Variants in SLC12A8 observed in about 807,000 individuals in gnomAD.
SLC12A8 encodes the protein solute carrier family 12 member 8.
Under a neutral mutation model 75.6 loss-of-function variants are expected in SLC12A8, and 69 were observed. The ratio of observed to expected loss-of-function variants is 0.91; its 90% CI spans 0.75 to 1.11. The LOEUF (loss-of-function observed/expected upper bound fraction) is 1.11, where lower values mean the gene tolerates loss of function less well. Ranked by LOEUF, SLC12A8 falls within the 50% of genes most tolerant of loss-of-function variation. The pLI, the probability that SLC12A8 is intolerant of heterozygous loss-of-function variation, is 0.00. For missense variants in SLC12A8, 877 were observed against 896.7 expected (o/e 0.98, Z 0.28); for synonymous variants, 365 against 372.8 (o/e 0.98, Z 0.24).
chr3:125,088,954 AG>A (rs1224914374), intron 12 of SLC12A8, among the ~76,000 whole-genome samples: 1 of 152,236 alleles, frequency 6.6e-6, no homozygotes, highest in African/African-American at 2.4e-5. Context: ...AGATTTGAAT[AG>A]GGTTTATCAA....
chr3:125,088,140 T>G, intron 13 of SLC12A8, 170 bp downstream of exon 13: 1 of 593,230 alleles, frequency 1.7e-6, no homozygotes, highest in Admixed American at 3.0e-5. Context: ...GGGGGCCGAG[T>G]GTGGTGGAGT....
At chr3:125,103,978 C>T (rs968618256) in intron 10 of SLC12A8, among the ~76,000 whole-genome samples, 3 of 125,018 alleles carry the variant, frequency 2.4e-5, no homozygotes, top group Non-Finnish European at 3.3e-5. Flanking sequence ...GATCAATGGA[C>T]ATTTTAGTAA....
chr3:125,193,821 G>A (rs1196100654), intron 2 of SLC12A8, among the ~76,000 whole-genome samples: 3 of 152,264 alleles, frequency 2.0e-5, no homozygotes, highest in African/African-American at 2.4e-5. Flanking sequence ...CAGGGGAGGA[G>A]GGGGTGGAAG....
chr3:125,123,763 T>C (rs750662160), intron 6 of SLC12A8, among the ~76,000 whole-genome samples: 2 of 152,166 alleles, frequency 1.3e-5, no homozygotes, highest in African/African-American at 2.4e-5. Context: ...TAGGAATTGT[T>C]ACAATTCAAG....
At chr3:125,211,049 T>C (rs779094056) in intron 2 of SLC12A8, among the ~76,000 whole-genome samples, 4 of 152,192 alleles carry the variant, frequency 2.6e-5, no homozygotes, top group African/African-American at 4.8e-5. Context: ...AGGATGGAGT[T>C]TGGAGTTGTG....
chr3:125,107,615 G>A lies in SLC12A8; in HGVS notation c.1571C>T (p.Pro524Leu), dbSNP rs893395848. ...SFPVEISDRLPAASWEGQESC... is the reference protein window; with the variant it reads ...SFPVEISDRLLAASWEGQESC... ...CTCCTGCCCCTCCCAGGAGGCAGCG[G>A]GCAACCTGTCAGAGATCTCGACAGG... is the stretch of plus-strand genomic sequence containing the variant. The change falls in exon 10 of 14, where the codon CCC (proline) becomes CTC (leucine). Residue 524 changes from proline to leucine, a missense_variant. Transcript: ENST00000469902. 3.1e-6 allele frequency: 5 copies of A among 1,614,190 alleles called. No homozygotes were observed. In the Middle Eastern group the frequency reaches 4.9e-4, roughly 160 times the overall value.
rs575290651 is a variant in SLC12A8 at position 125,146,084 on chromosome 3, C to G, written c.623-10302G>C. On this transcript the variant is annotated intron_variant, in intron 5 of 13. Transcript: ENST00000469902. ...AGCAGAAGCAATTCTCCCACCTCAG[C>G]CTCCCAAAGTGCTGAGATTATAGGC... Among the ~76,000 whole-genome samples the G allele has an allele frequency of 1.4e-4, 21 of 152,362 alleles. No individual in the cohort carries two copies. The South Asian group carries it at 3.5e-3, about 26-fold the overall frequency.
chr3:125,202,805 A>G (rs1935150988), intron 2 of SLC12A8, among the ~76,000 whole-genome samples: 1 of 152,018 alleles, frequency 6.6e-6, no homozygotes, highest in African/African-American at 2.4e-5. Context: ...TATTAATGAG[A>G]AGCCGGGCAC....
chr3:125,091,372 T>A, intron 12 of SLC12A8, 67 bp downstream of exon 12: 1 of 1,034,890 alleles, frequency 9.7e-7, no homozygotes, highest in East Asian at 2.4e-5. Context: ...ATATTCAAAA[T>A]CTTTTTTTTC....
rs78311907 is a variant in SLC12A8 at position 125,098,203 on chromosome 3, G to C, written c.1706-6005C>G. Among the ~76,000 whole-genome samples the C allele has an allele frequency of 9.2e-3, 1,402 of 152,246 alleles. 14 individuals carry two copies. Among genetic ancestry groups the C allele is most frequent in the South Asian group, 0.016 (75 of 4,822 alleles). On this transcript the variant is annotated intron_variant, in intron 10 of 13. Transcript: ENST00000469902. The stretch of plus-strand genomic sequence containing the variant: ...TAGTTCTAATTAGCATGTATAAACT[G>C]ATAACGTATATTGCCTTAGTCCACA...
At chr3:125,084,198 A>T in intron 13 of SLC12A8, 146 bp from the exon 14 acceptor site, 1 of 631,864 alleles carries the variant, frequency 1.6e-6, no homozygotes, top group Non-Finnish European at 2.7e-6. Context: ...GTATATGTAC[A>T]GGTATATATG....
intron 5 of SLC12A8, among the ~76,000 whole-genome samples, chr3:125,151,703 G>A (rs115986557): frequency 9.1e-4 from 139 of 152,328 alleles, no homozygotes; most frequent in African/African-American, 2.9e-3. Context: ...ACTGTCTTAC[G>A]TTTATTTAGA....
intron 10 of SLC12A8, among the ~76,000 whole-genome samples, chr3:125,104,924 A>G (rs1407568411): frequency 6.6e-6 from 1 of 152,214 alleles, no homozygotes; most frequent in African/African-American, 2.4e-5. Context: ...ATAAAGGAGC[A>G]TGGGTCACTC....
intron 13 of SLC12A8, among the ~76,000 whole-genome samples, chr3:125,084,910 G>T (rs1938421299): frequency 6.6e-6 from 1 of 152,194 alleles, no homozygotes; most frequent in African/African-American, 2.4e-5. Context: ...TACTCTAAAA[G>T]AATCATCTAC....
chr3:125,193,442 T>A, intron 2 of SLC12A8, among the ~76,000 whole-genome samples: 1 of 152,190 alleles, frequency 6.6e-6, no homozygotes, highest in East Asian at 1.9e-4. Context: ...GCCACATTTG[T>A]GATGCCATTC....
intron 2 of SLC12A8, among the ~76,000 whole-genome samples, chr3:125,203,418 A>C (rs779224812): frequency 1.3e-5 from 2 of 152,170 alleles, no homozygotes; most frequent in Non-Finnish European, 2.9e-5. Flanking sequence ...AGAATAGAGA[A>C]TCTGGAAATA....
At chr3:125,142,820 C>T (rs148401654) in intron 5 of SLC12A8, among the ~76,000 whole-genome samples, 1 of 152,206 alleles carries the variant, frequency 6.6e-6, no homozygotes, top group African/African-American at 2.4e-5. Context: ...CAGAAGCCCA[C>T]TCTCAGGCCT....
chr3:125,134,826 T>C (rs960532301), intron 6 of SLC12A8, among the ~76,000 whole-genome samples: 2 of 152,164 alleles, frequency 1.3e-5, no homozygotes, highest in African/African-American at 2.4e-5. Context: ...AATGGCCATA[T>C]GTAGGAGGGC....
chr3:125,161,501 C>A (rs547850168), intron 5 of SLC12A8, among the ~76,000 whole-genome samples: 1 of 152,158 alleles, frequency 6.6e-6, no homozygotes, highest in African/African-American at 2.4e-5. Flanking sequence ...TGGATTCCAA[C>A]TGACCTGCAG....
Sources: allele counts gnomAD v4.1 joint callset (sites outside exome capture counted in the v4.1 genomes callset), GRCh38; gene constraint gnomAD v4.1.1; transcripts MANE v1.5; gene names NCBI Gene and HGNC (gene_info 2026-07-23, HGNC 2026-07-21).